Variants in TNKS2 observed in about 807,000 individuals in gnomAD.
TNKS2 encodes the protein tankyrase 2.
A neutral mutation model predicts 137.6 loss-of-function variants in TNKS2; 72 were observed. The observed-to-expected ratio is 0.52, with a 90% CI of 0.43 to 0.64. The LOEUF (loss-of-function observed/expected upper bound fraction) is 0.64. Ranked by LOEUF, TNKS2 falls within the 30% of genes least tolerant of loss-of-function variation. TNKS2 has a pLI of 0.00. For missense variants in TNKS2, 1,049 were observed against 1,410.2 expected (o/e 0.74, Z 4.10); for synonymous variants, 516 against 512.1 (o/e 1.01, Z -0.10).
chr10:91,851,254 G>C lies in TNKS2; in HGVS notation c.2733G>C (p.Glu911Asp). The change falls in exon 21 of 27, where the codon GAG becomes GAC. Residue 911 changes from glutamate (E) to aspartate (D), a missense_variant. By Grantham distance (45) the Glu-to-Asp change is conservative (BLOSUM62 2). Coordinates refer to ENST00000371627, the MANE Select transcript of TNKS2 (RefSeq NM_025235.4). Reference protein sequence around the residue: ...LDVLVEMGHKELKEIGINAYG... With the variant: ...LDVLVEMGHKDLKEIGINAYG... ...TATTAGTTGAGATGGGGCACAAGGAGCTGAAGGAGATTGGAATCAATGCTT... is the reference window on the plus strand; with the variant it reads ...TATTAGTTGAGATGGGGCACAAGGACCTGAAGGAGATTGGAATCAATGCTT... The C allele has an allele frequency of 6.2e-7, 1 of 1,613,480 alleles. No individual in the cohort carries two copies. The highest frequency in any genetic ancestry group is 8.5e-7 in the Non-Finnish European group (1 of 1,179,830).
intron 2 of TNKS2, 113 bp downstream of exon 2, chr10:91,813,320 A>G: frequency 2.1e-6 from 2 of 943,202 alleles, no homozygotes; most frequent in Non-Finnish European, 3.2e-6. Flanking sequence ...AATATTTAAG[A>G]ACATCCCATG....
Position 91,844,927 on chromosome 10 carries a change from A to AAT in TNKS2, c.2070_2071dup (p.Asn691IlefsTer3), listed in dbSNP as rs760257510. 6.2e-7 allele frequency: 1 copy of AAT among 1,605,232 alleles called. No homozygotes were observed. Among genetic ancestry groups the AAT allele is most frequent in the Non-Finnish European group, 8.5e-7 (1 of 1,175,108 alleles). ...CTTCTTTTCTAAATTAGCTGGTTAT[A>AAT]ATAATTTAGAAGTTGCAGAGTATTT... On this transcript the variant is annotated frameshift_variant, in exon 17 of 27. Transcript: ENST00000371627. LOFTEE classifies it high-confidence loss of function.
chr10:91,836,139 C>G (rs1355065019), intron 12 of TNKS2, among the ~76,000 whole-genome samples: 1 of 141,508 alleles, frequency 7.1e-6, no homozygotes, highest in Non-Finnish European at 1.5e-5. Flanking sequence ...AATATATTCT[C>G]TTAAAAGATG....
chr10:91,845,026 G>A lies in TNKS2; in HGVS notation c.2167G>A (p.Gly723Arg), dbSNP rs145701051. 62 of 1,600,926 alleles carry A rather than the reference G, an allele frequency of 3.9e-5. No homozygotes were observed. Among genetic ancestry groups the A allele is most frequent in the Non-Finnish European group, 4.9e-5 (57 of 1,170,546 alleles). Reference sequence around the variant, plus strand: ...TCCTTTACATAATGCAGCATCTTACGGGGTAAGTTCTTCCGTGTTACCTTT... The same window carrying A: ...TCCTTTACATAATGCAGCATCTTACAGGGTAAGTTCTTCCGTGTTACCTTT... ...LIPLHNAASY[G>R]HVDVAALLIK... is the part of the protein sequence containing the mutation. Residue 723 changes from glycine (G) to arginine (R), a missense_variant and splice_region_variant, in exon 17 of 27, where the codon GGG becomes AGG. This residue lies in a region of TNKS2 where 328 missense variants were observed against 436.0 expected (regional missense o/e 0.75). Transcript: ENST00000371627.
chr10:91,835,763 G>C (rs902052338), intron 12 of TNKS2, among the ~76,000 whole-genome samples: 2 of 151,148 alleles, frequency 1.3e-5, no homozygotes, highest in African/African-American at 4.9e-5. Context: ...GAGTAGCTGA[G>C]AGTGCGCCTA....
chr10:91,855,151 A>G (rs1426194608), intron 22 of TNKS2, 25 bp downstream of exon 22: 6 of 1,374,974 alleles, frequency 4.4e-6, no homozygotes, highest in Non-Finnish European at 6.2e-6. Flanking sequence ...CTTCAATAGT[A>G]GGTTTGCCGT....
In TNKS2 at chr10:91,815,467, TTAA is replaced by T. The variant is rs1287996786; in HGVS notation, c.425-1662_425-1660del. Among the ~76,000 whole-genome samples, 12 of 125,582 alleles carry T rather than the reference TTAA, an allele frequency of 9.6e-5. No homozygotes were observed. The Admixed American group carries it at 1.0e-3, about 11-fold the overall frequency. 82.4% of individuals were successfully genotyped at this position (125,582 alleles called of 152,430 possible). ...ATCTTAGACATATAATTAATTAGTT[TTAA>T]TAATGTAGAGTTTTCCAGTTATAAT... On this transcript the variant is annotated intron_variant, in intron 2 of 26. Coordinates refer to ENST00000371627, the MANE Select transcript of TNKS2 (RefSeq NM_025235.4).
Position 91,864,425 on chromosome 10 carries a change from C to T in TNKS2, c.*1426C>T, listed in dbSNP as rs1319769611. On this transcript the variant is annotated 3_prime_UTR_variant, in exon 27 of 27. Transcript: ENST00000371627. ...TCTCTTTTATTTGTTGACTCTAGCTCCCTTCAAAGTCGAGGAAAGATCTTT... is the reference window on the plus strand; with the variant it reads ...TCTCTTTTATTTGTTGACTCTAGCTTCCTTCAAAGTCGAGGAAAGATCTTT... The T allele has an allele frequency of 1.3e-5, 2 of 152,554 alleles. No homozygotes were observed. Among genetic ancestry groups the T allele is most frequent in the Admixed American group, 6.5e-5 (1 of 15,278 alleles). The allele number at this position is 152,554 out of a possible 1,614,324, so 9.5% of individuals were successfully genotyped here. A position where few individuals can be genotyped will look rare whatever the true frequency, so the allele number is the denominator to read the frequency against.
At chr10:91,822,165 AT>A (rs1299099719) in intron 6 of TNKS2, 130 bp from the exon 7 acceptor site, 1 of 691,756 alleles carries the variant, frequency 1.4e-6, no homozygotes, top group Non-Finnish European at 2.3e-6. Context: ...AATTTTGAAC[AT>A]TTTTATTAGA....
At chr10:91,807,193 T>C (rs1844349202) in intron 1 of TNKS2, 3 of 1,607,542 alleles carry the variant, frequency 1.9e-6, no homozygotes, top group Non-Finnish European at 2.6e-6. Flanking sequence ...TCAGTTTCCA[T>C]GGTAACATTG....
Position 91,859,582 on chromosome 10 carries a change from T to C in TNKS2, c.3215T>C (p.Val1072Ala), listed in dbSNP as rs1485334298. The C allele has an allele frequency of 1.2e-6, 2 of 1,613,908 alleles. No individual in the cohort carries two copies. The highest frequency in any genetic ancestry group is 1.7e-6 in the Non-Finnish European group (2 of 1,179,932). Residue 1072 changes from valine (V) to alanine (A), a missense_variant, in exon 25 of 27, where the codon GTA becomes GCA. By Grantham distance (64) the Val-to-Ala change is moderately conservative. Around this residue, in one of 6 missense-constraint regions of TNKS2, gnomAD observed 133 missense variants for 248.4 expected, o/e 0.54. Transcript: ENST00000371627. ...AENSSKSNQY[V>A]YGIGGGTGCP... is the part of the protein sequence containing the mutation. ...AACTCTTCCAAAAGCAATCAATATG[T>C]ATATGGAATTGGAGGAGGTACTGGG... is the stretch of plus-strand genomic sequence containing the variant.
intron 6 of TNKS2, among the ~76,000 whole-genome samples, chr10:91,821,678 A>G (rs1365669939): frequency 6.6e-6 from 1 of 152,196 alleles, no homozygotes; most frequent in Non-Finnish European, 1.5e-5. Context: ...GTTTCAGCTT[A>G]TTAAGGATCT....
chr10:91,837,198 A>G (rs543162938), intron 13 of TNKS2, among the ~76,000 whole-genome samples, 200 bp downstream of exon 13: 2 of 152,356 alleles, frequency 1.3e-5, no homozygotes, highest in South Asian at 4.1e-4. Context: ...CCTGCATCCC[A>G]GTGAATATTA....
rs960696840 is a variant in TNKS2, at chr10:91,827,058, T to C, written c.837T>C (p.Thr279=). ...CVNAMDLWQF[T]PLHEAASKNR... ...ATGCAATGGACTTGTGGCAATTCAC[T>C]CCTCTTCATGAGGCAGCTTCTAAGA... The change falls in exon 8 of 27, where the codon ACT becomes ACC. Residue 279 remains threonine (T), a synonymous_variant. Coordinates refer to ENST00000371627, the MANE Select transcript of TNKS2 (RefSeq NM_025235.4). The C allele has an allele frequency of 1.2e-6, 2 of 1,603,352 alleles. No homozygotes were observed. The highest frequency in any genetic ancestry group is 1.7e-6 in the Non-Finnish European group (2 of 1,175,464).
chr10:91,832,598 C>T (rs751143609), intron 11 of TNKS2, among the ~76,000 whole-genome samples: 1 of 151,952 alleles, frequency 6.6e-6, no homozygotes, highest in Non-Finnish European at 1.5e-5. Context: ...ACTAGCTATT[C>T]ATACTCTAGT....
At chr10:91,849,121 G>A (rs2133667447) in intron 19 of TNKS2, among the ~76,000 whole-genome samples, 1 of 152,344 alleles carries the variant, frequency 6.6e-6, no homozygotes, top group South Asian at 2.1e-4. Flanking sequence ...ATAGGCGTGA[G>A]CCACCGCCCC....
At chr10:91,823,574 G>A (rs1377194517) in intron 7 of TNKS2, among the ~76,000 whole-genome samples, 1 of 152,012 alleles carries the variant, frequency 6.6e-6, no homozygotes, top group Non-Finnish European at 1.5e-5. Flanking sequence ...TGATCTGCCT[G>A]CCTCAGCCTC....
At position 91,834,040 on chromosome 10, in the gene TNKS2, A is replaced by G. The variant is rs377654908; in HGVS notation, c.1447+16A>G. The G allele has an allele frequency of 1.7e-5, 26 of 1,506,526 alleles. No individual in the cohort carries two copies. The highest frequency in any genetic ancestry group is 5.6e-5 in the African/African-American group (4 of 71,424). 93.3% of individuals were successfully genotyped at this position (1,506,526 alleles called of 1,614,324 possible). On this transcript the variant is annotated intron_variant, in intron 12 of 26. Coordinates refer to ENST00000371627, the MANE Select transcript of TNKS2 (RefSeq NM_025235.4). ...CTCCTCCAAGGTATTACATGCTTCAATGAAATTGATTTTTTTAAATTAACC... is the reference window on the plus strand; with the variant it reads ...CTCCTCCAAGGTATTACATGCTTCAGTGAAATTGATTTTTTTAAATTAACC...
chr10:91,846,079 T>C (rs1478866585), intron 18 of TNKS2, 139 bp downstream of exon 18: 3 of 511,618 alleles, frequency 5.9e-6, no homozygotes, highest in Non-Finnish European at 9.8e-6. Context: ...AAGAGTTCTT[T>C]AGTATTAAAA....
Sources: allele counts gnomAD v4.1 joint callset (sites outside exome capture counted in the v4.1 genomes callset), GRCh38; gene constraint gnomAD v4.1.1; regional missense constraint gnomAD v4.1.1; transcripts MANE v1.5; gene names NCBI Gene and HGNC (gene_info 2026-07-23, HGNC 2026-07-21).